The following PIKFYVE variants were observed in gnomAD, a reference collection of about 807,000 sequenced individuals.
The protein encoded by PIKFYVE is phosphoinositide kinase, FYVE-type zinc finger containing, also known as 1-phosphatidylinositol 3-phosphate 5-kinase.
Under a neutral mutation model 257.9 loss-of-function variants are expected in PIKFYVE, and 122 were observed. The ratio of observed to expected loss-of-function variants is 0.47; its 90% CI spans 0.41 to 0.55. The LOEUF is 0.55. PIKFYVE is among the 20% of genes least tolerant of loss of function. PIKFYVE has a pLI of 0.00. For synonymous variants in PIKFYVE, 892 were observed against 868.9 expected (o/e 1.03, Z -0.47); for missense variants, 2,160 against 2,536.6 (o/e 0.85, Z 3.19).
At chr2:208,327,644 A>G (rs944346797) in intron 20 of PIKFYVE, among the ~76,000 whole-genome samples, 1 of 152,216 alleles carries the variant, frequency 6.6e-6, no homozygotes, top group Non-Finnish European at 1.5e-5. Context: ...TTAAAACCAC[A>G]GAGTCAAACT....
At chr2:208,334,788 C>T (rs966769549) in intron 24 of PIKFYVE, among the ~76,000 whole-genome samples, 1 of 152,176 alleles carries the variant, frequency 6.6e-6, no homozygotes, top group Admixed American at 6.5e-5. Context: ...CAGTGTCTGG[C>T]ACATAATAGA....
chr2:208,314,349 T>G lies in PIKFYVE; in HGVS notation c.1752T>G (p.Pro584=). 2 of 1,613,842 alleles carry G rather than the reference T, an allele frequency of 1.2e-6. No individual in the cohort carries two copies. The highest frequency in any genetic ancestry group is 1.7e-6 in the Non-Finnish European group (2 of 1,179,786). Residue 584 remains proline (P), a synonymous_variant, in exon 14 of 42, where the codon CCT becomes CCG. Coordinates refer to ENST00000264380, the MANE Select transcript of PIKFYVE (RefSeq NM_015040.4). ...EEKSKELPFT[P]LGWHHNNLEL... ...AATCCAAAGAGCTGCCTTTCACACC[T>G]TTGGGCTGGCATCATAACAACCTGG...
At chr2:208,289,405 C>G (rs1166186501) in intron 7 of PIKFYVE, among the ~76,000 whole-genome samples, 1 of 150,570 alleles carries the variant, frequency 6.6e-6, no homozygotes, top group Non-Finnish European at 1.5e-5. Context: ...TTTGCTTTCT[C>G]ATTTTTTCTT....
chr2:208,312,038 TA>T (rs1181168968), intron 12 of PIKFYVE, among the ~76,000 whole-genome samples, 197 bp from the exon 13 acceptor site: 1 of 152,194 alleles, frequency 6.6e-6, no homozygotes, highest in Non-Finnish European at 1.5e-5. Context: ...CAAGTCTGCT[TA>T]AGTTTAGTAT....
Position 208,288,758 on chromosome 2 carries a change from C to T in PIKFYVE, c.851C>T (p.Pro284Leu). The change falls in exon 7 of 42, where the codon CCT (proline) becomes CTT (leucine). Residue 284 changes from proline to leucine, a missense_variant. Around this residue, in one of 12 missense-constraint regions of PIKFYVE, gnomAD observed 187 missense variants for 185.6 expected, o/e 1.01. Transcript: ENST00000264380. The stretch of plus-strand genomic sequence containing the variant: ...ATTCATCCAGATTCCTCAAATACTC[C>T]TCTTTCAACAAGACTTGTATCTGTG... The part of the protein sequence containing the change: ...SLIHPDSSNT[P>L]LSTRLVSVQE... 1.2e-6 allele frequency: 2 copies of T among 1,613,974 alleles called. No homozygotes were observed. The highest frequency in any genetic ancestry group is 1.7e-6 in the Non-Finnish European group (2 of 1,179,956).
intron 41 of PIKFYVE, 90 bp downstream of exon 41, chr2:208,354,735 T>C (rs1016905140): frequency 1.4e-4 from 146 of 1,034,962 alleles, no homozygotes; most frequent in Non-Finnish European, 1.3e-4. Flanking sequence ...TTTTTAGTTG[T>C]AAAAAATAAG....
chr2:208,315,437 GT>G (rs1471263949), intron 15 of PIKFYVE, 64 bp downstream of exon 15: 2 of 1,578,584 alleles, frequency 1.3e-6, no homozygotes, highest in Non-Finnish European at 1.7e-6. Context: ...TGTAATTTTT[GT>G]CTTAATGGTA....
intron 16 of PIKFYVE, among the ~76,000 whole-genome samples, chr2:208,318,556 G>C (rs534579462): frequency 5.3e-4 from 80 of 152,332 alleles, no homozygotes; most frequent in Middle Eastern, 3.4e-3. Context: ...CATACATTGA[G>C]ATCACATGTG....
At chr2:208,304,424 C>A in intron 11 of PIKFYVE, 106 bp downstream of exon 11, 1 of 1,431,168 alleles carries the variant, frequency 7.0e-7, no homozygotes, top group Non-Finnish European at 9.7e-7. Flanking sequence ...TAATTTATGG[C>A]TCCAACTAAA....
chr2:208,329,827 T>A lies in PIKFYVE; in HGVS notation c.3720-15T>A, dbSNP rs1283735063. 1 of 1,609,994 alleles carries A rather than the reference T, an allele frequency of 6.2e-7. No individual in the cohort carries two copies. The highest frequency in any genetic ancestry group is 1.3e-5 in the African/African-American group (1 of 74,810). ...TGGTAATTCTTATGTTTCTAAGAGG[T>A]GGTCTCTTCTTTAGGATTGTAACAA... On this transcript the variant is annotated splice_polypyrimidine_tract_variant and intron_variant, in intron 21 of 41. Transcript: ENST00000264380.
At chr2:208,344,154 A>G (rs775728215) in intron 32 of PIKFYVE, among the ~76,000 whole-genome samples, 6 of 151,516 alleles carry the variant, frequency 4.0e-5, no homozygotes, top group Non-Finnish European at 8.8e-5. Context: ...AGCTGAACTT[A>G]GTTTAAATAG....
rs1436820984 is a variant in PIKFYVE, at chr2:208,267,761, C to CCTCCCAAGGTGCTGGGATTACAGG, written c.-10+1348_-10+1371dup. On this transcript the variant is annotated intron_variant, in intron 1 of 41. Coordinates refer to ENST00000264380, the MANE Select transcript of PIKFYVE (RefSeq NM_015040.4). ...ACCTCAGGCGATTCACCCGCCTCGG[C>CCTCCCAAGGTGCTGGGATTACAGG]CTCCCAAGGTGCTGGGATTACAGGC... 8.5e-5 allele frequency among the ~76,000 whole-genome samples: 13 copies of CCTCCCAAGGTGCTGGGATTACAGG among 152,286 alleles called. No homozygotes were observed. In the South Asian group the frequency reaches 2.3e-3, roughly 27 times the overall value.
intron 32 of PIKFYVE, among the ~76,000 whole-genome samples, chr2:208,344,876 G>A (rs1322325940): frequency 6.6e-6 from 1 of 152,082 alleles, no homozygotes; most frequent in East Asian, 1.9e-4. Flanking sequence ...TTTGTTGAGG[G>A]TATTGATACT....
At chr2:208,312,633 G>A (rs959423562) in intron 13 of PIKFYVE, among the ~76,000 whole-genome samples, 1 of 152,164 alleles carries the variant, frequency 6.6e-6, no homozygotes, top group African/African-American at 2.4e-5. Flanking sequence ...ATATCATCAA[G>A]GATTGTCAAA....
At chr2:208,289,761 T>C (rs1487677210) in intron 7 of PIKFYVE, among the ~76,000 whole-genome samples, 1 of 151,902 alleles carries the variant, frequency 6.6e-6, no homozygotes, top group African/African-American at 2.4e-5. Flanking sequence ...AGAGATGGGG[T>C]TTCACTTTGT....
intron 33 of PIKFYVE, 121 bp from the exon 34 acceptor site, chr2:208,345,929 A>G (rs1699182055): frequency 1.4e-6 from 1 of 692,840 alleles, no homozygotes; most frequent in Non-Finnish European, 2.6e-6. Flanking sequence ...GACTTTTGAT[A>G]TTGTAGGTGG....
chr2:208,309,884 A>G (rs193114282), intron 12 of PIKFYVE, among the ~76,000 whole-genome samples: 3 of 152,344 alleles, frequency 2.0e-5, no homozygotes, highest in African/African-American at 7.2e-5. Flanking sequence ...ATCTAGAATT[A>G]AAAAGAAATT....
Position 208,276,812 on chromosome 2 carries a change from C to G in PIKFYVE, c.423C>G (p.Ile141Met). The G allele has an allele frequency of 6.2e-7, 1 of 1,613,268 alleles. No homozygotes were observed. The highest frequency in any genetic ancestry group is 8.5e-7 in the Non-Finnish European group (1 of 1,179,354). The change falls in exon 4 of 42, where the codon ATC (isoleucine) becomes ATG (methionine). Residue 141 changes from isoleucine to methionine, a missense_variant. Ile to Met is a conservative substitution (Grantham distance 10). This residue lies in a region of PIKFYVE where 172 missense variants were observed against 180.6 expected (regional missense o/e 0.95). Coordinates refer to ENST00000264380, the MANE Select transcript of PIKFYVE (RefSeq NM_015040.4). Reference protein sequence around the residue: ...LSTVLKRLKEIMEGKSQDSDL... With the variant: ...LSTVLKRLKEMMEGKSQDSDL... ...CAGTATTAAAACGCCTCAAGGAAAT[C>G]ATGGAGGGGAAAAGCCAGGTACTGT...
intron 6 of PIKFYVE, among the ~76,000 whole-genome samples, chr2:208,287,270 C>T (rs375872587): frequency 2.2e-5 from 3 of 135,038 alleles, no homozygotes; most frequent in Non-Finnish European, 3.2e-5. Context: ...TTTTCTTTTT[C>T]TTTTTTTTTT....
Sources: gnomAD v4.1 joint callset for allele counts (sites outside exome capture counted in the v4.1 genomes callset) on GRCh38, gnomAD v4.1.1 for gene constraint, gnomAD v4.1.1 regional missense constraint, MANE v1.5 for transcripts, NCBI Gene and HGNC (gene_info 2026-07-23, HGNC 2026-07-21) for gene names.